TRPM7: variants seen among roughly 807,000 people sequenced by gnomAD.
TRPM7 encodes the protein LTRPC ion channel family member 7.
Under a neutral mutation model 229.7 loss-of-function variants are expected in TRPM7, and 134 were observed. The ratio of observed to expected loss-of-function variants is 0.58; its 90% CI spans 0.51 to 0.67. The LOEUF is 0.67. Ranked by LOEUF, TRPM7 falls within the 30% of genes least tolerant of loss-of-function variation. The probability of loss-of-function intolerance (pLI) is 0.00; values close to 1 mark genes in which losing one functional copy is unlikely to be tolerated. For missense variants in TRPM7, 1,901 were observed against 2,210.0 expected (o/e 0.86, Z 2.80); for synonymous variants, 699 against 715.2 (o/e 0.98, Z 0.36).
At chr15:50,638,134 C>A (rs1001549722) in intron 6 of TRPM7, among the ~76,000 whole-genome samples, 1 of 151,312 alleles carries the variant, frequency 6.6e-6, no homozygotes, top group Non-Finnish European at 1.5e-5. Flanking sequence ...CCGAGGCGGG[C>A]GGATCATGAG....
rs1414782152 is a variant in TRPM7, at chr15:50,578,554, C to G, written c.4618+85G>C. The G allele has an allele frequency of 3.7e-6, 5 of 1,367,726 alleles. No homozygotes were observed. In the Admixed American group the frequency reaches 7.3e-5, roughly 20 times the overall value. The allele number at this position is 1,367,726 out of a possible 1,614,324, so 84.7% of individuals were successfully genotyped here. On this transcript the variant is annotated intron_variant, in intron 31 of 38. Coordinates refer to ENST00000646667, the MANE Select transcript of TRPM7 (RefSeq NM_017672.6). ...TTTTCTAGCTTGAAGTCTAAAATATCTTACCTAGAATAATGTGGTGTTTGC... is the reference window on the plus strand; with the variant it reads ...TTTTCTAGCTTGAAGTCTAAAATATGTTACCTAGAATAATGTGGTGTTTGC...
chr15:50,632,749 TA>T (rs1365003572), intron 9 of TRPM7, 119 bp downstream of exon 9: 1 of 976,044 alleles, frequency 1.0e-6, no homozygotes, highest in Non-Finnish European at 1.4e-6. Flanking sequence ...TTATGGTTAA[TA>T]AAGATTTCAA....
chr15:50,607,116 C>G lies in TRPM7; in HGVS notation c.2709+84G>C, dbSNP rs974456485. On this transcript the variant is annotated intron_variant, in intron 20 of 38. Coordinates refer to ENST00000646667, the MANE Select transcript of TRPM7 (RefSeq NM_017672.6). ...TGTCATCATACACACACACACCCCCCTACGTATACACCCAAAACAAAACAA... is the reference window on the plus strand; with the variant it reads ...TGTCATCATACACACACACACCCCCGTACGTATACACCCAAAACAAAACAA... 47 of 1,271,424 alleles carry G rather than the reference C, an allele frequency of 3.7e-5. No homozygotes were observed. The Middle Eastern group carries it at 5.8e-4, about 16-fold the overall frequency. The allele number at this position is 1,271,424 out of a possible 1,614,324, so 78.8% of individuals were successfully genotyped here.
At chr15:50,657,725 TAG>T in intron 3 of TRPM7, 54 bp downstream of exon 3, 4 of 1,450,648 alleles carry the variant, frequency 2.8e-6, no homozygotes, top group Non-Finnish European at 3.8e-6. Flanking sequence ...ATATTTCTAA[TAG>T]ATTAGTTTTA....
rs757521044 is a variant in TRPM7 at position 50,574,476 on chromosome 15, G to T, written c.5106C>A (p.Phe1702Leu). 1 of 1,608,248 alleles carries T rather than the reference G, an allele frequency of 6.2e-7. No individual in the cohort carries two copies. Among genetic ancestry groups the T allele is most frequent in the Non-Finnish European group, 8.5e-7 (1 of 1,177,966 alleles). The change falls in exon 36 of 39, where the codon TTC becomes TTA. Residue 1702 changes from phenylalanine (F) to leucine (L), a missense_variant. Physicochemically the swap from Phe to Leu is conservative, Grantham distance 22. Coordinates refer to ENST00000646667, the MANE Select transcript of TRPM7 (RefSeq NM_017672.6). ...GGCAATACAGCAGGAAAACTTCAAG[G>T]AACCTTATAAAAAATAGTTATAAAT... is the stretch of plus-strand genomic sequence containing the variant. ...KPKSIPYSPR[F>L]LEVFLLYCHS...
intron 38 of TRPM7, 104 bp downstream of exon 38, chr15:50,569,783 T>TA: frequency 1.7e-6 from 1 of 594,002 alleles, no homozygotes; most frequent in Middle Eastern, 4.8e-4. Flanking sequence ...CTGGCACAAT[T>TA]AGAGACCATT....
At chr15:50,624,541 T>A (rs1329800259) in intron 11 of TRPM7, among the ~76,000 whole-genome samples, 1 of 152,136 alleles carries the variant, frequency 6.6e-6, no homozygotes, top group Non-Finnish European at 1.5e-5. Flanking sequence ...TGTAGGAGAA[T>A]AAGTGTTACA....
At chr15:50,663,222 G>A (rs759582265) in intron 1 of TRPM7, among the ~76,000 whole-genome samples, 176 bp from the exon 2 acceptor site, 13 of 151,598 alleles carry the variant, frequency 8.6e-5, no homozygotes, top group African/African-American at 1.5e-4. Flanking sequence ...TCCGCCTCCC[G>A]GGTTCAAGTG....
At position 50,561,235 on chromosome 15, in the gene TRPM7, G is replaced by A. The variant is rs2053298064; in HGVS notation, c.*443C>T. On this transcript the variant is annotated 3_prime_UTR_variant, in exon 39 of 39. Coordinates refer to ENST00000646667, the MANE Select transcript of TRPM7 (RefSeq NM_017672.6). ...CATCACTGAACACACTAAATACACT[G>A]AGGAAAATTTTGACTGCCATTTAAC... 6.4e-6 allele frequency: 1 copy of A among 156,346 alleles called. No homozygotes were observed. The highest frequency in any genetic ancestry group is 2.4e-5 in the African/African-American group (1 of 41,476). The allele number at this position is 156,346 out of a possible 1,614,324, so 9.7% of individuals were successfully genotyped here.
At chr15:50,582,261 C>T (rs375302421) in intron 29 of TRPM7, among the ~76,000 whole-genome samples, 3 of 152,146 alleles carry the variant, frequency 2.0e-5, no homozygotes. Context: ...ACACAGCCCC[C>T]ACCGAGTTTT....
Position 50,561,778 on chromosome 15 carries a change from T to G in TRPM7, c.5498A>C (p.Lys1833Thr). ...DLKRNDYTPD[K>T]IIFPQDEPSD... is the part of the protein sequence containing the mutation. ...AGGCTCATCCTGAGGAAATATAATT[T>G]TATCAGGCGTATAATCATTCCTCTT... Residue 1833 changes from lysine (K) to threonine (T), a missense_variant, in exon 39 of 39, where the codon AAA becomes ACA. Coordinates refer to ENST00000646667, the MANE Select transcript of TRPM7 (RefSeq NM_017672.6). 3 of 1,612,806 alleles carry G rather than the reference T, an allele frequency of 1.9e-6. No individual in the cohort carries two copies. The highest frequency in any genetic ancestry group is 2.5e-6 in the Non-Finnish European group (3 of 1,179,672).
chr15:50,663,253 C>T (rs767657062), intron 1 of TRPM7, among the ~76,000 whole-genome samples: 1 of 152,182 alleles, frequency 6.6e-6, no homozygotes, highest in Non-Finnish European at 1.5e-5. Context: ...CTCAGCCTCC[C>T]GGGTAGCTGG....
chr15:50,592,269 G>C lies in TRPM7; in HGVS notation c.3966C>G (p.Asp1322Glu). The change falls in exon 26 of 39, where the codon GAC becomes GAG. Residue 1322 changes from aspartate to glutamate, a missense_variant. This residue lies in a region of TRPM7 where 533 missense variants were observed against 497.1 expected (regional missense o/e 1.07). Transcript: ENST00000646667. ...PFHCNILMKD[D>E]KDPQCNIFGQ... ...CAAATATATTACACTGGGGATCTTT[G>C]TCATCTTTCATTAAAATATTACAAT... The C allele has an allele frequency of 2.5e-6, 4 of 1,613,788 alleles. No homozygotes were observed. Among genetic ancestry groups the C allele is most frequent in the Non-Finnish European group, 3.4e-6 (4 of 1,179,896 alleles).
chr15:50,679,538 A>ATATATATATATAT (rs1400383980), intron 1 of TRPM7, among the ~76,000 whole-genome samples: 1 of 43,904 alleles, frequency 2.3e-5, no homozygotes, highest in African/African-American at 1.1e-4. Flanking sequence ...ATATATATAT[A>ATATATATATATAT]TTTTTTTTTT....
intron 26 of TRPM7, among the ~76,000 whole-genome samples, chr15:50,591,008 T>C (rs1395251469): frequency 6.6e-6 from 1 of 152,232 alleles, no homozygotes; most frequent in Admixed American, 6.5e-5. Flanking sequence ...ATAATCTCTA[T>C]GCATGAAAGT....
intron 1 of TRPM7, among the ~76,000 whole-genome samples, chr15:50,671,267 G>A (rs977386979): frequency 3.3e-5 from 5 of 151,994 alleles, no homozygotes; most frequent in Non-Finnish European, 7.4e-5. Context: ...ACTTTTATCA[G>A]TTCAATTTTT....
chr15:50,612,912 T>C (rs1347675058), intron 15 of TRPM7, 83 bp from the exon 16 acceptor site: 1 of 1,246,374 alleles, frequency 8.0e-7, no homozygotes, highest in Admixed American at 2.4e-5. Flanking sequence ...GTAAAATATC[T>C]TTACATTATT....
At chr15:50,641,402 A>G (rs1567065417) in intron 5 of TRPM7, among the ~76,000 whole-genome samples, 1 of 152,028 alleles carries the variant, frequency 6.6e-6, no homozygotes, top group Non-Finnish European at 1.5e-5. Context: ...TCCCCTTTAC[A>G]TGCTTTGCCT....
At chr15:50,573,350 G>A (rs144070343) in intron 36 of TRPM7, among the ~76,000 whole-genome samples, 15 of 152,290 alleles carry the variant, frequency 9.8e-5, no homozygotes, top group African/African-American at 3.4e-4. Context: ...AAACTACCAT[G>A]CTGTGAGCAA....
Sources: allele counts gnomAD v4.1 joint callset (sites outside exome capture counted in the v4.1 genomes callset), GRCh38; gene constraint gnomAD v4.1.1; regional missense constraint gnomAD v4.1.1; transcripts MANE v1.5; gene names NCBI Gene and HGNC (gene_info 2026-07-23, HGNC 2026-07-21).